Variants in KCNH5 observed in about 807,000 individuals in gnomAD.
KCNH5 encodes the protein voltage-gated delayed rectifier potassium channel KCNH5.
In KCNH5, 46 loss-of-function variants were observed where a neutral mutation model predicts 96.1. The ratio of observed to expected loss-of-function variants is 0.48; its 90% confidence interval spans 0.38 to 0.61. The LOEUF (loss-of-function observed/expected upper bound fraction) is 0.61, where lower values mean the gene tolerates loss of function less well. KCNH5 is among the 20% of genes least tolerant of loss of function. The pLI is 0.00. For missense variants in KCNH5, 907 were observed against 1,225.8 expected (o/e 0.74, Z 3.88); for synonymous variants, 439 against 449.8 (o/e 0.98, Z 0.30).
intron 2 of KCNH5, among the ~76,000 whole-genome samples, chr14:63,009,902 G>A (rs112617076): frequency 0.014 from 2,162 of 152,236 alleles, 45 homozygotes; most frequent in African/African-American, 0.04. Flanking sequence ...TATAGAAATA[G>A]TAATCAACGG....
At chr14:63,029,848 GA>G (rs1468947981) in intron 1 of KCNH5, among the ~76,000 whole-genome samples, 1 of 151,664 alleles carries the variant, frequency 6.6e-6, no homozygotes, top group Non-Finnish European at 1.5e-5. Flanking sequence ...TACAACAAAT[GA>G]AAAATATATT....
At chr14:63,003,624 A>ATATATTTTTT (rs1491457497) in intron 3 of KCNH5, among the ~76,000 whole-genome samples, 11 of 92,792 alleles carry the variant, frequency 1.2e-4, no homozygotes, top group African/African-American at 5.2e-4. Flanking sequence ...ATATATATAT[A>ATATATTTTTT]TTTTTTTTTT....
intron 7 of KCNH5, among the ~76,000 whole-genome samples, chr14:62,892,296 AG>A (rs1278255417): frequency 6.6e-6 from 1 of 152,254 alleles, no homozygotes; most frequent in Non-Finnish European, 1.5e-5. Flanking sequence ...AAAATCAAAC[AG>A]CCACAACATT....
intron 10 of KCNH5, among the ~76,000 whole-genome samples, chr14:62,765,404 A>G (rs1208051835): frequency 6.6e-6 from 1 of 152,202 alleles, no homozygotes; most frequent in African/African-American, 2.4e-5. Flanking sequence ...TGTAAACCCT[A>G]AAACTATAAA....
intron 7 of KCNH5, among the ~76,000 whole-genome samples, chr14:62,879,172 T>C (rs1200901641): frequency 6.6e-6 from 1 of 152,138 alleles, no homozygotes; most frequent in African/African-American, 2.4e-5. Flanking sequence ...TACTACTACA[T>C]GCCAATCAGA....
intron 7 of KCNH5, among the ~76,000 whole-genome samples, chr14:62,931,081 G>A (rs1298694187): frequency 6.6e-6 from 1 of 152,118 alleles, no homozygotes; most frequent in African/African-American, 2.4e-5. Context: ...TGGATCTAAT[G>A]AGTACAGAGA....
Position 62,970,094 on chromosome 14 carries a change from A to C in KCNH5, c.942+10778T>G, listed in dbSNP as rs1890378937. Among the ~76,000 whole-genome samples the C allele has an allele frequency of 2.0e-5, 3 of 149,458 alleles. No individual in the cohort carries two copies. The South Asian group carries it at 6.3e-4, about 31-fold the overall frequency. ...AAATTAAATCAATAAGCCTCTAGTCAGGCTAACGAAACAAGAGAGAGAGAA... is the reference window on the plus strand; with the variant it reads ...AAATTAAATCAATAAGCCTCTAGTCCGGCTAACGAAACAAGAGAGAGAGAA... On this transcript the variant is annotated intron_variant, in intron 6 of 10. Coordinates refer to ENST00000322893, the MANE Select transcript of KCNH5 (RefSeq NM_139318.5).
At chr14:62,895,266 T>C (rs916464698) in intron 7 of KCNH5, among the ~76,000 whole-genome samples, 1 of 152,188 alleles carries the variant, frequency 6.6e-6, no homozygotes, top group Admixed American at 6.5e-5. Context: ...CCCCACAAAT[T>C]TAACCCTTCT....
intron 6 of KCNH5, among the ~76,000 whole-genome samples, chr14:62,957,025 A>G (rs1269378123): frequency 6.6e-6 from 1 of 152,178 alleles, no homozygotes; most frequent in Non-Finnish European, 1.5e-5. Flanking sequence ...CAGAATATCA[A>G]ATACATCAAG....
intron 7 of KCNH5, among the ~76,000 whole-genome samples, chr14:62,911,765 G>A (rs573465540): frequency 2.0e-4 from 30 of 150,766 alleles, no homozygotes; most frequent in East Asian, 9.7e-4. Context: ...AGCTGGGCAC[G>A]GTGGCTCACA....
At chr14:63,021,514 A>G (rs542542893) in intron 1 of KCNH5, among the ~76,000 whole-genome samples, 1 of 151,952 alleles carries the variant, frequency 6.6e-6, no homozygotes, top group African/African-American at 2.4e-5. Context: ...TCAACTCTAC[A>G]TTTTCTATGC....
chr14:62,862,086 A>G (rs938702788), intron 7 of KCNH5, among the ~76,000 whole-genome samples: 1 of 152,204 alleles, frequency 6.6e-6, no homozygotes. Flanking sequence ...CATTTCTCCA[A>G]TCATAAGCAC....
intron 7 of KCNH5, among the ~76,000 whole-genome samples, chr14:62,861,719 T>C (rs1328990691): frequency 6.6e-6 from 1 of 151,702 alleles, no homozygotes; most frequent in Non-Finnish European, 1.5e-5. Context: ...TAGCATGAGA[T>C]GTATCTTTCA....
chr14:63,045,234 G>C lies in KCNH5; in HGVS notation c.-48C>G, dbSNP rs761153149. 138 of 1,409,232 alleles carry C rather than the reference G, an allele frequency of 9.8e-5. No individual in the cohort carries two copies. The highest frequency in any genetic ancestry group is 4.8e-5 in the Non-Finnish European group (48 of 998,342). The allele number at this position is 1,409,232 out of a possible 1,614,324, so 87.3% of individuals were successfully genotyped here. On this transcript the variant is annotated 5_prime_UTR_variant, in exon 1 of 11. It adds an upstream start codon to the 5' untranslated region. Transcript: ENST00000322893. ...CAGGATCCGCGGCGGGGGAGGGGGG[G>C]ATGCAGGCAAAGAAGGTGGAGGAAG... is the stretch of plus-strand genomic sequence containing the variant.
chr14:62,947,599 G>T lies in KCNH5; in HGVS notation c.1369+2534C>A, dbSNP rs182905070. The stretch of plus-strand genomic sequence containing the variant: ...CTAAATGATGAAAACTACCTGCTTA[G>T]ACTCAAGATATTAACCTTTCATGTT... On this transcript the variant is annotated intron_variant, in intron 7 of 10. Transcript: ENST00000322893. Among the ~76,000 whole-genome samples the T allele has an allele frequency of 3.9e-3, 597 of 152,162 alleles. 2 individuals are homozygous for T. The highest frequency in any genetic ancestry group is 6.8e-3 in the Non-Finnish European group (463 of 68,002).
At chr14:62,780,320 G>A (rs1445646418) in intron 9 of KCNH5, among the ~76,000 whole-genome samples, 3 of 152,162 alleles carry the variant, frequency 2.0e-5, no homozygotes, top group African/African-American at 7.2e-5. Flanking sequence ...AGGATCTGCT[G>A]TAACAGCCTT....
intron 8 of KCNH5, among the ~76,000 whole-genome samples, chr14:62,824,802 A>G (rs1034677740): frequency 6.6e-6 from 1 of 151,770 alleles, no homozygotes; most frequent in Non-Finnish European, 1.5e-5. Flanking sequence ...TCCCCAGTCT[A>G]TTGTTGCCAT....
chr14:62,781,754 T>G (rs1174723348), intron 9 of KCNH5, among the ~76,000 whole-genome samples: 1 of 152,244 alleles, frequency 6.6e-6, no homozygotes. Context: ...TGTTCTTTTT[T>G]CAAGGTGCCC....
chr14:62,938,002 C>T (rs1566714774), intron 7 of KCNH5, among the ~76,000 whole-genome samples: 1 of 152,192 alleles, frequency 6.6e-6, no homozygotes, highest in Non-Finnish European at 1.5e-5. Flanking sequence ...CCGAGGTCTA[C>T]TATTCCCATA....
Sources: gnomAD v4.1 joint callset for allele counts (sites outside exome capture counted in the v4.1 genomes callset) on GRCh38, gnomAD v4.1.1 for gene constraint, MANE v1.5 for transcripts, NCBI Gene and HGNC (gene_info 2026-07-23, HGNC 2026-07-21) for gene names.